Variants in SYBU observed in about 807,000 individuals in gnomAD.
SYBU encodes the protein GOLSYN A protein.
A neutral mutation model predicts 35.9 loss-of-function variants in SYBU; 21 were observed. The observed-to-expected ratio is 0.58, with a 90% confidence interval of 0.41 to 0.84. The LOEUF (loss-of-function observed/expected upper bound fraction) is 0.84. Ranked by LOEUF, SYBU falls within the 40% of genes least tolerant of loss-of-function variation. The pLI is 0.00. For missense variants in SYBU, 768 were observed against 848.2 expected, an observed-to-expected ratio of 0.91 and a Z score of 1.17; for synonymous variants, 319 against 324.3, an observed-to-expected ratio of 0.98 and a Z score of 0.18.
At chr8:109,663,967 C>A (rs1459145018) in intron 1 of SYBU, among the ~76,000 whole-genome samples, 2 of 152,020 alleles carry the variant, frequency 1.3e-5, no homozygotes, top group Non-Finnish European at 2.9e-5. Context: ...ATTAACAGGA[C>A]TAATACAAAT....
intron 3 of SYBU, among the ~76,000 whole-genome samples, chr8:109,590,873 A>G (rs1309875303): frequency 6.6e-6 from 1 of 152,214 alleles, no homozygotes; most frequent in Non-Finnish European, 1.5e-5. Flanking sequence ...TAATTTATCA[A>G]CACCACTAAA....
At chr8:109,681,024 T>C (rs997570425), upstream of SYBU, 1 of 152,240 alleles carries the variant, frequency 6.6e-6, no homozygotes, top group African/African-American at 2.4e-5. Flanking sequence ...TCCCAGAAGA[T>C]GGTATTTCCC....
chr8:109,614,592 A>T (rs1034497313), intron 3 of SYBU, among the ~76,000 whole-genome samples: 7 of 152,262 alleles, frequency 4.6e-5, no homozygotes, highest in African/African-American at 1.2e-4. Context: ...CGCTCCTCCC[A>T]CACAAAACAT....
intron 4 of SYBU, among the ~76,000 whole-genome samples, chr8:109,583,095 G>C (rs569612614): frequency 1.3e-5 from 2 of 151,926 alleles, no homozygotes; most frequent in East Asian, 1.9e-4. Context: ...ACCACCACCA[G>C]CAGCAGCAGC....
chr8:109,611,072 A>G (rs1811114352), intron 3 of SYBU, among the ~76,000 whole-genome samples: 1 of 152,202 alleles, frequency 6.6e-6, no homozygotes, highest in South Asian at 2.1e-4. Context: ...TCTGTGTGTA[A>G]AAGAAGTTTC....
Position 109,575,947 on chromosome 8 carries a change from C to T in SYBU, c.951G>A (p.Glu317=), listed in dbSNP as rs33970535. Residue 317 remains glutamate, a synonymous_variant, in exon 7 of 7, where the codon GAG becomes GAA. Coordinates refer to ENST00000276646, the MANE Select transcript of SYBU (RefSeq NM_001099754.2). The part of the protein sequence containing the change: ...ARMREDWIEE[E]CHRVEAQLAL... ...CCAACTGGGCCTCTACCCGGTGACA[C>T]TCCTCCTCAATCCAGTCCTCTCGCA... 0.04 allele frequency: 63,990 copies of T among 1,612,618 alleles called. 1,636 individuals carry two copies. Among genetic ancestry groups the T allele is most frequent in the Admixed American group, 0.088 (5,299 of 59,920 alleles).
intron 4 of SYBU, chr8:109,580,496 T>C (rs1822901326): frequency 6.2e-6 from 1 of 160,114 alleles, no homozygotes; most frequent in African/African-American, 2.4e-5. Flanking sequence ...CAGGGCAAGA[T>C]AAACAGAGCA....
At chr8:109,676,253 T>G (rs933870751) in intron 1 of SYBU, among the ~76,000 whole-genome samples, 5 of 152,144 alleles carry the variant, frequency 3.3e-5, no homozygotes, top group Non-Finnish European at 7.4e-5. Context: ...CCGTCATCAC[T>G]CCTATTCAAC....
At chr8:109,618,560 T>A in intron 3 of SYBU, among the ~76,000 whole-genome samples, 1 of 152,226 alleles carries the variant, frequency 6.6e-6, no homozygotes, top group East Asian at 1.9e-4. Flanking sequence ...TTTAAATGCT[T>A]GTTAAAACAT....
At position 109,575,424 on chromosome 8, in the gene SYBU, C is replaced by A. The variant is rs1253500184; in HGVS notation, c.1474G>T (p.Val492Leu). 3.7e-6 allele frequency: 6 copies of A among 1,614,098 alleles called. No individual in the cohort carries two copies. The highest frequency in any genetic ancestry group is 2.2e-5 in the East Asian group (1 of 44,852). ...GAGATGGCTGGGCTGTAGGGCACCACGTCGGTCTGAACGGCTCGCTCCACC... is the reference window on the plus strand; with the variant it reads ...GAGATGGCTGGGCTGTAGGGCACCAAGTCGGTCTGAACGGCTCGCTCCACC... Reference protein sequence around the residue: ...VVVERAVQTDVVPYSPAISEL... With the variant: ...VVVERAVQTDLVPYSPAISEL... Residue 492 changes from valine (V) to leucine (L), a missense_variant, in exon 7 of 7, where the codon GTG becomes TTG. Val to Leu is a conservative substitution (Grantham distance 32, BLOSUM62 1). Coordinates refer to ENST00000276646, the MANE Select transcript of SYBU (RefSeq NM_001099754.2).
intron 2 of SYBU, among the ~76,000 whole-genome samples, chr8:109,627,926 T>A (rs1161688098): frequency 6.6e-6 from 1 of 152,208 alleles, no homozygotes. Context: ...CTTCACCCAA[T>A]TTTAGCATCT....
intron 2 of SYBU, among the ~76,000 whole-genome samples, chr8:109,623,178 TG>T (rs1812628203): frequency 6.6e-6 from 1 of 152,252 alleles, no homozygotes; most frequent in South Asian, 2.1e-4. Flanking sequence ...CTTGAAAATA[TG>T]GGACAATTTC....
intron 2 of SYBU, among the ~76,000 whole-genome samples, chr8:109,622,752 A>T (rs1357647592): frequency 2.0e-5 from 3 of 151,868 alleles, no homozygotes; most frequent in Middle Eastern, 3.2e-3. Context: ...ATATATTTTT[A>T]GCTTTTATAA....
chr8:109,691,527 G>C lies in SYBU; in HGVS notation c.-252C>G, dbSNP rs1817646124. The C allele has an allele frequency of 2.1e-6, 1 of 484,492 alleles. No individual in the cohort carries two copies. The allele number at this position is 484,492 out of a possible 1,614,324, so 30.0% of individuals were successfully genotyped here. The stretch of plus-strand genomic sequence containing the variant: ...GCCCGGCTTGGACACGTGGTGCCGC[G>C]GAATCCCTTGCGCTCCGGTGCCCTC... On this transcript the variant is annotated 5_prime_UTR_variant, in exon 1 of 8. Coordinates refer to the SYBU transcript ENST00000422135. The surrounding 1 kb of genome is among the most constrained non-coding windows in gnomAD (Gnocchi z 4.7).
intron 2 of SYBU, among the ~76,000 whole-genome samples, chr8:109,627,483 T>C (rs1269188232): frequency 6.6e-6 from 1 of 152,178 alleles, no homozygotes; most frequent in African/African-American, 2.4e-5. Context: ...ACTTATCATG[T>C]GGCAAACACA....
Position 109,576,064 on chromosome 8 carries a change from A to AAG in SYBU, c.885-52_885-51insCT, listed in dbSNP as rs1554607784. The AAG allele has an allele frequency of 6.1e-6, 9 of 1,483,722 alleles. No individual in the cohort carries two copies. The South Asian group carries it at 1.2e-4, about 20-fold the overall frequency. 91.9% of individuals were successfully genotyped at this position (1,483,722 alleles called of 1,614,324 possible). On this transcript the variant is annotated intron_variant, in intron 6 of 6. Transcript: ENST00000276646. The stretch of plus-strand genomic sequence containing the variant: ...AATTAAAAAAAAAAAAAAAAAAAAA[A>AAG]AAAAAACTTTCAACTGGGCAACAGG...
chr8:109,686,718 T>A, intron 1 of SYBU, among the ~76,000 whole-genome samples: 1 of 75,468 alleles, frequency 1.3e-5, no homozygotes, highest in East Asian at 8.5e-4. Flanking sequence ...ATTTTTAAGG[T>A]TTTTAAGTCA....
At chr8:109,603,585 CAATGTTCTGTGAAAAACCAAAATAA>C in intron 3 of SYBU, 1 of 166,370 alleles carries the variant, frequency 6.0e-6, no homozygotes, top group Non-Finnish European at 1.2e-5. Context: ...CTCCAGCCCA[CAATGTTCTGTGAAAAACCAAAATAA>C]AATGGAAAAG....
chr8:109,586,210 G>T (rs755512052), intron 3 of SYBU, 48 bp from the exon 4 acceptor site: 23 of 1,393,532 alleles, frequency 1.7e-5, no homozygotes, highest in Non-Finnish European at 1.7e-5. Context: ...GGAAACTAGA[G>T]AACACATTGG....
Sources: allele counts gnomAD v4.1 joint callset (sites outside exome capture counted in the v4.1 genomes callset), GRCh38; gene constraint gnomAD v4.1.1; non-coding constraint Gnocchi (gnomAD v3.1); transcripts MANE v1.5; gene names NCBI Gene and HGNC (gene_info 2026-07-23, HGNC 2026-07-21).